PIEZO2: variants seen among roughly 807,000 people sequenced by gnomAD.
PIEZO2 encodes the protein piezo-type mechanosensitive ion channel component 2.
In PIEZO2, 172 loss-of-function variants were observed where a neutral mutation model predicts 337.3. The ratio of observed to expected loss-of-function variants is 0.51; its 90% CI spans 0.45 to 0.58. The LOEUF (loss-of-function observed/expected upper bound fraction) is 0.58. Among genes scored for constraint, PIEZO2 ranks in the 20% least tolerant of loss-of-function variants. The probability of loss-of-function intolerance (pLI) is 0.00; values close to 1 mark genes in which losing one functional copy is unlikely to be tolerated. For missense variants in PIEZO2, 3,028 were observed against 3,391.3 expected (o/e 0.89, Z 2.66); for synonymous variants, 1,251 against 1,228.5 (o/e 1.02, Z -0.38).
In PIEZO2 at chr18:10,684,690, TC is replaced by T. The variant is rs561445575; in HGVS notation, c.7498-2399del. On this transcript the variant is annotated intron_variant, in intron 49 of 55. Transcript: ENST00000674853. ...CATGTTGGCCAAGCTGGTCTTGAACTCCTGACTTCAAGTGATCCACCTGCCT... is the reference window on the plus strand; with the variant it reads ...CATGTTGGCCAAGCTGGTCTTGAACTCTGACTTCAAGTGATCCACCTGCCT... 2.1e-4 allele frequency among the ~76,000 whole-genome samples: 32 copies of T among 152,050 alleles called. No homozygotes were observed. The East Asian group carries it at 6.2e-3, about 29-fold the overall frequency.
At position 10,761,076 on chromosome 18, in the gene PIEZO2, T is replaced by C. The variant is rs1011873930; in HGVS notation, c.3285A>G (p.Glu1095=). 7.8e-6 allele frequency: 12 copies of C among 1,537,154 alleles called. No homozygotes were observed. Among genetic ancestry groups the C allele is most frequent in the Non-Finnish European group, 1.0e-5 (12 of 1,146,906 alleles). Residue 1095 remains glutamate (E), a synonymous_variant, in exon 24 of 56, where the codon GAA becomes GAG. Transcript: ENST00000674853. Reference sequence around the variant, plus strand: ...ATTCCTGATGGCGGTAAATGGTGACTTCAAAGGCCAGGATAGCCAGCATCA... The same window carrying C: ...ATTCCTGATGGCGGTAAATGGTGACCTCAAAGGCCAGGATAGCCAGCATCA... ...NLLMLAILAF[E]VTIYRHQEYY...
intron 42 of PIEZO2, among the ~76,000 whole-genome samples, chr18:10,703,679 T>A (rs2035436174): frequency 6.9e-6 from 1 of 145,060 alleles, no homozygotes; most frequent in Admixed American, 6.8e-5. Flanking sequence ...AATATCGAGC[T>A]TTTTTTTTTA....
chr18:11,040,602 A>G (rs895922890), intron 2 of PIEZO2, among the ~76,000 whole-genome samples: 4 of 152,352 alleles, frequency 2.6e-5, no homozygotes, highest in Admixed American at 1.3e-4. Context: ...TAGAAAATAC[A>G]TATTCTAATA....
intron 2 of PIEZO2, among the ~76,000 whole-genome samples, chr18:11,034,299 C>CT (rs1376344551): frequency 1.9e-4 from 28 of 149,018 alleles, no homozygotes; most frequent in Non-Finnish European, 2.7e-4. Context: ...CTTTTCTTTT[C>CT]TTTTTTTTTT....
chr18:11,005,931 G>A (rs768887427), intron 2 of PIEZO2, among the ~76,000 whole-genome samples: 10 of 152,128 alleles, frequency 6.6e-5, no homozygotes, highest in Non-Finnish European at 1.2e-4. Context: ...TCCACTTCTC[G>A]TTCCATCACA....
At chr18:10,829,226 G>A (rs1189846) in intron 7 of PIEZO2, among the ~76,000 whole-genome samples, 25,507 of 151,610 alleles carry the variant, frequency 0.17, 2,555 homozygotes, top group African/African-American at 0.28. Flanking sequence ...GGATATTTTG[G>A]GATCACCTGA....
chr18:10,724,904 C>T lies in PIEZO2; in HGVS notation c.5029+6503G>A, dbSNP rs2036467850. The T allele has an allele frequency of 1.2e-6, 2 of 1,609,348 alleles. No homozygotes were observed. The highest frequency in any genetic ancestry group is 1.7e-6 in the Non-Finnish European group (2 of 1,178,220). On this transcript the variant is annotated intron_variant, in intron 36 of 55. Coordinates refer to ENST00000674853, the MANE Select transcript of PIEZO2 (RefSeq NM_001378183.1). The surrounding 1 kb of genome is among the most constrained non-coding windows in gnomAD (Gnocchi z 5.8). ...AGTACTGGCCGGCGGGGGCGTGGCACCCTGGGACAGCCTCCACCTGGACGG... is the reference window on the plus strand; with the variant it reads ...AGTACTGGCCGGCGGGGGCGTGGCATCCTGGGACAGCCTCCACCTGGACGG...
At position 11,112,771 on chromosome 18, in the gene PIEZO2, G is replaced by A. The variant is rs915479621; in HGVS notation, c.64+35754C>T. Among the ~76,000 whole-genome samples, 1 of 152,070 alleles carries A rather than the reference G, an allele frequency of 6.6e-6. No individual in the cohort carries two copies. Among genetic ancestry groups the A allele is most frequent in the Admixed American group, 6.6e-5 (1 of 15,248 alleles). ...TGCCACAGGACTGAACTGAAAATGT[G>A]GGCTCCTTCTCTCCATCTGCAGTTA... On this transcript the variant is annotated intron_variant, in intron 1 of 55. Transcript: ENST00000674853. This position sits in a 1 kb window ranked among gnomAD's most constrained non-coding sequence, Gnocchi z 4.3.
Position 11,027,644 on chromosome 18 carries a change from A to C in PIEZO2, c.160+38483T>G, listed in dbSNP as rs1189961828. Among the ~76,000 whole-genome samples the C allele has an allele frequency of 6.6e-6, 1 of 152,182 alleles. No individual in the cohort carries two copies. The highest frequency in any genetic ancestry group is 2.4e-5 in the African/African-American group (1 of 41,450). ...TCTTAGGTAACTGGGTTGATGAACA[A>C]ATGGGAGTTCGGTGGGGTTTAAGTT... On this transcript the variant is annotated intron_variant, in intron 2 of 55. Coordinates refer to ENST00000674853, the MANE Select transcript of PIEZO2 (RefSeq NM_001378183.1). The surrounding 1 kb of genome is among the most constrained non-coding windows in gnomAD (Gnocchi z 4.2).
At chr18:10,906,892 C>G (rs1160461128) in intron 4 of PIEZO2, among the ~76,000 whole-genome samples, 1 of 151,964 alleles carries the variant, frequency 6.6e-6, no homozygotes, top group Admixed American at 6.6e-5. Context: ...TCTTTTGTCG[C>G]CTTCCTGAGC....
Position 10,681,714 on chromosome 18 carries a change from C to T in PIEZO2, c.7726G>A (p.Val2576Ile), listed in dbSNP as rs3748428. Residue 2576 changes from valine to isoleucine, a missense_variant, in exon 51 of 56, where the codon GTT becomes ATT. This residue lies in a region of PIEZO2 where 332 missense variants were observed against 363.8 expected (regional missense o/e 0.91). Coordinates refer to ENST00000674853, the MANE Select transcript of PIEZO2 (RefSeq NM_001378183.1). ...TMSAQQSQLK[V>I]MDQQSFNKFI... ...TTGTTAAAGCTCTGCTGGTCCATAA[C>T]TTTCAACTGGCTTTGTTGGGCACTC... is the stretch of plus-strand genomic sequence containing the variant. 215,558 of 1,609,028 alleles carry T rather than the reference C, an allele frequency of 0.13. 15,512 individuals carry two copies. The highest frequency in any genetic ancestry group is 0.23 in the East Asian group (10,277 of 44,812).
intron 2 of PIEZO2, among the ~76,000 whole-genome samples, chr18:10,992,129 A>G (rs920036150): frequency 6.6e-6 from 1 of 152,124 alleles, no homozygotes; most frequent in African/African-American, 2.4e-5. Flanking sequence ...TCTGGATATT[A>G]GCCATTTGTC....
chr18:10,989,856 T>C (rs533217514), intron 2 of PIEZO2, among the ~76,000 whole-genome samples: 49 of 152,232 alleles, frequency 3.2e-4, no homozygotes, highest in African/African-American at 1.0e-3. Flanking sequence ...AACAACATAC[T>C]GGTAGTAGAG....
intron 3 of PIEZO2, among the ~76,000 whole-genome samples, chr18:10,925,256 T>C (rs1461285243): frequency 1.3e-5 from 2 of 152,248 alleles, no homozygotes; most frequent in East Asian, 3.8e-4. Flanking sequence ...TTCTACATGA[T>C]TAGTTCTGTC....
chr18:10,725,208 T>C (rs1708133711), intron 36 of PIEZO2: 4 of 1,559,928 alleles, frequency 2.6e-6, no homozygotes, highest in Non-Finnish European at 3.5e-6. Flanking sequence ...TTGAGGCTGT[T>C]CTGGAGAAGT....
intron 49 of PIEZO2, among the ~76,000 whole-genome samples, chr18:10,688,855 T>A (rs903463623): frequency 1.3e-5 from 2 of 152,144 alleles, no homozygotes; most frequent in Non-Finnish European, 2.9e-5. Flanking sequence ...TGGCATCCTG[T>A]CAACTCCTCT....
At position 10,782,343 on chromosome 18, in the gene PIEZO2, ATAATATATTATAATTATATATAAATAAT is replaced by A. The variant is rs1261571854; in HGVS notation, c.2493-2005_2493-1978del. The stretch of plus-strand genomic sequence containing the variant: ...ATATTATAATTATATATAAATAATT[ATAATATATTATAATTATATATAAATAAT>A]TATAATATATTATAATTATATATAA... On this transcript the variant is annotated intron_variant, in intron 17 of 55. Coordinates refer to ENST00000674853, the MANE Select transcript of PIEZO2 (RefSeq NM_001378183.1). 5.0e-3 allele frequency among the ~76,000 whole-genome samples: 301 copies of A among 60,362 alleles called. 11 individuals carry two copies. Among genetic ancestry groups the A allele is most frequent in the African/African-American group, 0.027 (290 of 10,826 alleles). The allele number at this position is 60,362 out of a possible 152,430, so 39.6% of individuals were successfully genotyped here.
At position 10,759,090 on chromosome 18, in the gene PIEZO2, T is replaced by C. The variant is rs1207022758; in HGVS notation, c.3757+392A>G. The stretch of plus-strand genomic sequence containing the variant: ...AAAATCTGGGAAGCATCTCCCAGCA[T>C]CCACTGTCCCATGTTCAGGGTTTAT... On this transcript the variant is annotated intron_variant, in intron 26 of 55. Coordinates refer to ENST00000674853, the MANE Select transcript of PIEZO2 (RefSeq NM_001378183.1). This position sits in a 1 kb window ranked among gnomAD's most constrained non-coding sequence, Gnocchi z 5.5. Among the ~76,000 whole-genome samples, 1 of 152,140 alleles carries C rather than the reference T, an allele frequency of 6.6e-6. No homozygotes were observed.
intron 3 of PIEZO2, among the ~76,000 whole-genome samples, chr18:10,928,349 A>T (rs2031878923): frequency 6.6e-6 from 1 of 152,174 alleles, no homozygotes; most frequent in African/African-American, 2.4e-5. Context: ...CGCTCCAAGC[A>T]AAGAGGGGCT....
Sources: allele counts gnomAD v4.1 joint callset (sites outside exome capture counted in the v4.1 genomes callset), GRCh38; gene constraint gnomAD v4.1.1; regional missense constraint gnomAD v4.1.1; non-coding constraint Gnocchi (gnomAD v3.1); transcripts MANE v1.5; gene names NCBI Gene and HGNC (gene_info 2026-07-23, HGNC 2026-07-21).